The following FRMD3 variants were observed in gnomAD, a reference collection of about 807,000 sequenced individuals.
FRMD3 encodes FERM domain-containing protein 3.
A neutral mutation model predicts 70.2 loss-of-function variants in FRMD3; 33 were observed. The ratio of observed to expected loss-of-function variants is 0.47; its 90% CI spans 0.36 to 0.63. The LOEUF is 0.63. FRMD3 is among the 20% of genes least tolerant of loss of function. The pLI is 0.00. For missense variants in FRMD3, 632 were observed against 711.4 expected, an observed-to-expected ratio of 0.89 and a Z score of 1.27; for synonymous variants, 279 against 255.9, an observed-to-expected ratio of 1.09 and a Z score of -0.86.
the FRMD3 span, among the ~76,000 whole-genome samples, chr9:83,573,400 G>A: frequency 3.3e-5 from 5 of 152,122 alleles, no homozygotes; most frequent in Admixed American, 6.5e-5. Flanking sequence ...GTGGCAAACA[G>A]GATTTTAGTG....
intron 1 of FRMD3, among the ~76,000 whole-genome samples, chr9:83,426,717 A>G (rs1214811099): frequency 6.6e-6 from 1 of 152,240 alleles, no homozygotes; most frequent in Non-Finnish European, 1.5e-5. Context: ...GCAGAGATCA[A>G]CATGCCTGAA....
At chr9:83,315,453 G>T (rs1190600269) in intron 6 of FRMD3, among the ~76,000 whole-genome samples, 2 of 152,042 alleles carry the variant, frequency 1.3e-5, no homozygotes, top group African/African-American at 2.4e-5. Context: ...TTGGAGGAGG[G>T]GCCTGGCGGG....
intron 1 of FRMD3, among the ~76,000 whole-genome samples, chr9:83,528,173 T>C (rs1829722692): frequency 6.6e-6 from 1 of 152,178 alleles, no homozygotes; most frequent in African/African-American, 2.4e-5. Flanking sequence ...AGACACAGCT[T>C]TATGCAATTA....
At chr9:83,448,249 T>C (rs939075385) in intron 1 of FRMD3, among the ~76,000 whole-genome samples, 2 of 152,160 alleles carry the variant, frequency 1.3e-5, no homozygotes, top group South Asian at 2.1e-4. Flanking sequence ...TAATATTTGA[T>C]GAGGGGCATA....
At position 83,401,321 on chromosome 9, in the gene FRMD3, C is replaced by T. The variant is rs542552919; in HGVS notation, c.148-11613G>A. ...AATTATTAACCGTTAGCGAGCAGTA[C>T]AATGTTCAGATTTTTAAAAGTAGAA... On this transcript the variant is annotated intron_variant, in intron 1 of 13. Coordinates refer to ENST00000304195, the MANE Select transcript of FRMD3 (RefSeq NM_174938.6). Among the ~76,000 whole-genome samples the T allele has an allele frequency of 2.6e-4, 39 of 152,288 alleles. No individual in the cohort carries two copies. In the South Asian group the frequency reaches 8.1e-3, roughly 32 times the overall value.
intron 12 of FRMD3, among the ~76,000 whole-genome samples, chr9:83,291,567 GTCTC>G (rs113797673): frequency 4.7e-5 from 7 of 149,562 alleles, no homozygotes; most frequent in South Asian, 2.1e-4. Context: ...AATGCACACA[GTCTC>G]TCTCTCTCTC....
intron 1 of FRMD3, among the ~76,000 whole-genome samples, chr9:83,497,069 G>A (rs541585249): frequency 1.3e-5 from 2 of 152,228 alleles, no homozygotes; most frequent in East Asian, 3.9e-4. Flanking sequence ...AACCAAGATT[G>A]TACCATTGCA....
chr9:83,570,752 T>TG, the FRMD3 span, among the ~76,000 whole-genome samples: 1 of 152,280 alleles, frequency 6.6e-6, no homozygotes, highest in South Asian at 2.1e-4. Flanking sequence ...CAGGAACACT[T>TG]GCTGCTGTGT....
chr9:83,291,785 C>A (rs1032129886), intron 12 of FRMD3, among the ~76,000 whole-genome samples: 1 of 152,158 alleles, frequency 6.6e-6, no homozygotes, highest in South Asian at 2.1e-4. Flanking sequence ...CTAAAGTGCA[C>A]CAAATGCAAT....
chr9:83,535,093 C>A (rs1031750910), intron 1 of FRMD3, among the ~76,000 whole-genome samples: 16 of 152,236 alleles, frequency 1.1e-4, no homozygotes, highest in Admixed American at 8.5e-4. Flanking sequence ...TGGCCTTGAA[C>A]AAGTCACTTA....
Position 83,282,086 on chromosome 9 carries a change from C to T in FRMD3, c.1195+8517G>A, listed in dbSNP as rs370886446. Among the ~76,000 whole-genome samples the T allele has an allele frequency of 2.1e-3, 321 of 152,290 alleles. 1 individual carries two copies. Among genetic ancestry groups the T allele is most frequent in the African/African-American group, 7.4e-3 (308 of 41,554 alleles). On this transcript the variant is annotated intron_variant, in intron 13 of 13. Coordinates refer to ENST00000304195, the MANE Select transcript of FRMD3 (RefSeq NM_174938.6). ...TCAATGCCATCTAAGATAGCTGGGC[C>T]AGGAATGTGAGTATAAGGATGTAAT...
chr9:83,309,397 C>A (rs952583549), intron 10 of FRMD3, 139 bp downstream of exon 10: 7 of 581,340 alleles, frequency 1.2e-5, no homozygotes, highest in Non-Finnish European at 2.1e-5. Context: ...TCACCCTGAA[C>A]AATGCACAAA....
At chr9:83,312,939 G>A (rs1210830780) in intron 7 of FRMD3, among the ~76,000 whole-genome samples, 1 of 152,194 alleles carries the variant, frequency 6.6e-6, no homozygotes, top group Non-Finnish European at 1.5e-5. Context: ...AAAGAAATTT[G>A]CCACTAAAAC....
intron 13 of FRMD3, among the ~76,000 whole-genome samples, chr9:83,254,640 A>G (rs1302797517): frequency 1.3e-5 from 2 of 152,140 alleles, no homozygotes; most frequent in African/African-American, 2.4e-5. Context: ...TAGCTAGACT[A>G]ATAAAGAAAA....
intron 6 of FRMD3, among the ~76,000 whole-genome samples, chr9:83,317,531 A>T (rs1442501964): frequency 6.6e-6 from 1 of 152,162 alleles, no homozygotes; most frequent in Non-Finnish European, 1.5e-5. Flanking sequence ...TTGAACTGTC[A>T]CCACCTTTCT....
intron 3 of FRMD3, 151 bp from the exon 4 acceptor site, chr9:83,349,908 C>A: frequency 1.7e-6 from 1 of 574,434 alleles, no homozygotes; most frequent in East Asian, 2.9e-5. Context: ...AGATATGATG[C>A]CCAAGAAAAC....
At chr9:83,444,568 C>T (rs1438279619) in intron 1 of FRMD3, among the ~76,000 whole-genome samples, 2 of 152,130 alleles carry the variant, frequency 1.3e-5, no homozygotes, top group Non-Finnish European at 2.9e-5. Flanking sequence ...CAAAACAGGA[C>T]GAAAATGGCC....
intron 1 of FRMD3, among the ~76,000 whole-genome samples, chr9:83,489,838 A>G (rs1349812639): frequency 6.6e-6 from 1 of 152,212 alleles, no homozygotes; most frequent in Non-Finnish European, 1.5e-5. Context: ...CAAAATCTCA[A>G]TCAATATGGC....
intron 2 of FRMD3, among the ~76,000 whole-genome samples, chr9:83,381,447 T>A (rs1412702391): frequency 2.6e-5 from 4 of 151,720 alleles, no homozygotes; most frequent in Non-Finnish European, 5.9e-5. Context: ...TCCCAGCTAC[T>A]CAGGAGGCTG....
Sources: allele counts gnomAD v4.1 joint callset (sites outside exome capture counted in the v4.1 genomes callset), GRCh38; gene constraint gnomAD v4.1.1; transcripts MANE v1.5; gene names NCBI Gene and HGNC (gene_info 2026-07-23, HGNC 2026-07-21).